Variants in ADGRG1 observed in about 807,000 individuals in gnomAD.
ADGRG1 encodes the protein adhesion G protein-coupled receptor G1.
ADGRG1 carries 53 observed loss-of-function variants against 73.5 expected under a neutral mutation model. That is an observed-to-expected ratio of 0.72 (90% confidence interval 0.58 to 0.91). The LOEUF is 0.91. Ranked by LOEUF, ADGRG1 falls within the 40% of genes least tolerant of loss-of-function variation. The probability of loss-of-function intolerance (pLI) is 0.00; values close to 1 mark genes in which losing one functional copy is unlikely to be tolerated. For synonymous variants in ADGRG1, 394 were observed against 374.4 expected, an observed-to-expected ratio of 1.05 and a Z score of -0.60; for missense variants, 795 against 871.8, an observed-to-expected ratio of 0.91 and a Z score of 1.11.
At chr16:57,660,922 A>C in intron 12 of ADGRG1, 46 bp downstream of exon 12, 2 of 1,160,200 alleles carry the variant, frequency 1.7e-6, no homozygotes, top group Non-Finnish European at 2.6e-6. Flanking sequence ...GTCTCTGGGC[A>C]CAGAGGCCAG....
At chr16:57,625,347 C>T (rs1308301010), upstream of ADGRG1, among the ~76,000 whole-genome samples, 1 of 152,156 alleles carries the variant, frequency 6.6e-6, no homozygotes, top group African/African-American at 2.4e-5. Context: ...CCTTCCGGAT[C>T]TGCACCCCAT....
intron 3 of ADGRG1, among the ~76,000 whole-genome samples, chr16:57,652,492 C>T (rs1166976313): frequency 6.6e-6 from 1 of 152,160 alleles, no homozygotes; most frequent in East Asian, 1.9e-4. Flanking sequence ...GGATTCTGCC[C>T]CGCAACCTGG....
chr16:57,637,337 T>C (rs2039611025), intron 1 of ADGRG1: 4 of 985,348 alleles, frequency 4.1e-6, no homozygotes, highest in Non-Finnish European at 4.8e-6. Context: ...TTATTTTTAT[T>C]ATTACTATGA....
At chr16:57,630,801 T>C (rs1402629939) in intron 1 of ADGRG1, 2 of 318,328 alleles carry the variant, frequency 6.3e-6, no homozygotes, top group Non-Finnish European at 9.1e-6. Flanking sequence ...GGGAAGGGAC[T>C]GATGTCTGTA....
intron 1 of ADGRG1, chr16:57,636,136 C>T (rs1466133): frequency 0.22 from 212,164 of 984,942 alleles, 23,627 homozygotes; most frequent in East Asian, 0.4. Context: ...GCAATGGGAA[C>T]GGGACCCACT....
upstream of ADGRG1, chr16:57,628,473 C>A: frequency 1.0e-6 from 1 of 973,726 alleles, no homozygotes; most frequent in Non-Finnish European, 1.2e-6. Flanking sequence ...ACTGCCTCAG[C>A]GCTCTCAGCC....
rs754174494 is a variant in ADGRG1 at position 57,659,690 on chromosome 16, T to C, written c.1555+9T>C. 1 of 1,613,314 alleles carries C rather than the reference T, an allele frequency of 6.2e-7. No individual in the cohort carries two copies. Among genetic ancestry groups the C allele is most frequent in the Non-Finnish European group, 8.5e-7 (1 of 1,179,852 alleles). ...GAGCGCCATGGGCTGGGGTAAGTGG[T>C]TGGGCGGGGGGTGCCTCAGACCTGC... On this transcript the variant is annotated intron_variant, in intron 11 of 13. Transcript: ENST00000562631.
chr16:57,622,332 C>T (rs559099028), intron 2 of ADGRG1, among the ~76,000 whole-genome samples: 16 of 152,190 alleles, frequency 1.1e-4, no homozygotes, highest in African/African-American at 3.4e-4. Flanking sequence ...TGCTGGGTGG[C>T]GTCTAGGTGG....
rs1389106624 is a variant in ADGRG1, at chr16:57,621,772, G to A, written c.-154+377G>A. The A allele has an allele frequency of 4.0e-6, 3 of 745,878 alleles. No individual in the cohort carries two copies. The African/African-American group carries it at 5.7e-5, about 14-fold the overall frequency. 46.2% of individuals were successfully genotyped at this position (745,878 alleles called of 1,614,324 possible). A position where few individuals can be genotyped will look rare whatever the true frequency, so the allele number is the denominator to read the frequency against. On this transcript the variant is annotated intron_variant, in intron 2 of 4. Transcript: ENST00000561833. ...AGCAGCTGCCACTCAGACCTCACAG[G>A]CCAGGGCCAAGGGAGCTGCTGATGC...
chr16:57,625,200 C>G (rs1161993870), upstream of ADGRG1, among the ~76,000 whole-genome samples: 1 of 152,190 alleles, frequency 6.6e-6, no homozygotes, highest in Non-Finnish European at 1.5e-5. Context: ...TTCTCTGGGC[C>G]TGGCGACCCC....
At position 57,661,718 on chromosome 16, in the gene ADGRG1, G is replaced by C; in HGVS notation, c.1686G>C (p.Leu562=). The C allele has an allele frequency of 6.2e-7, 1 of 1,613,906 alleles. No homozygotes were observed. The highest frequency in any genetic ancestry group is 8.5e-7 in the Non-Finnish European group (1 of 1,179,902). Residue 562 remains leucine, a synonymous_variant, in exon 13 of 14, where the codon CTG becomes CTC. Transcript: ENST00000562631. ...GCAGGTGCTGGATCCGGGACTCCCT[G>C]GTCAGCTACATCACCAACCTGGGCC... is the stretch of plus-strand genomic sequence containing the variant. The part of the protein sequence containing the change: ...YPSMCWIRDS[L]VSYITNLGLF...
rs879732099 is a variant in ADGRG1, at chr16:57,628,943, TGA to T, written c.-36+145_-36+146del. On this transcript the variant is annotated intron_variant, in intron 1 of 13. Transcript: ENST00000562631. ...GTGAGTGTGAGTGTGAGTGTGAGCG[TGA>T]GAGTGTGAGAGTGTGTGAGTGTGAG... 8,904 of 663,908 alleles carry T rather than the reference TGA, an allele frequency of 0.013. 505 individuals are homozygous for T. In the East Asian group the frequency reaches 0.15, roughly 11 times the overall value. 41.1% of individuals were successfully genotyped at this position (663,908 alleles called of 1,614,324 possible).
intron 1 of ADGRG1, chr16:57,643,449 C>T (rs1310408950): frequency 2.0e-6 from 1 of 502,748 alleles, no homozygotes; most frequent in African/African-American, 2.1e-5. Flanking sequence ...CAACTTCTCC[C>T]CTTTGTCACT....
intron 1 of ADGRG1, chr16:57,637,466 C>A (rs2039644523): frequency 1.0e-6 from 1 of 983,180 alleles, no homozygotes. Flanking sequence ...GTCTGTACCT[C>A]CCCCCAGGTC....
intron 1 of ADGRG1, among the ~76,000 whole-genome samples, chr16:57,644,511 G>A (rs1567718589): frequency 7.2e-6 from 1 of 138,748 alleles, no homozygotes; most frequent in Non-Finnish European, 1.5e-5. Flanking sequence ...CTCATGCATG[G>A]GCACACACAC....
At chr16:57,656,413 A>G in intron 8 of ADGRG1, 101 bp from the exon 9 acceptor site, 1 of 1,607,936 alleles carries the variant, frequency 6.2e-7, no homozygotes, top group Non-Finnish European at 8.5e-7. Context: ...GGCTATGAGT[A>G]GGCCGGGTGG....
chr16:57,652,275 G>A, intron 3 of ADGRG1: 2 of 380,000 alleles, frequency 5.3e-6, no homozygotes, highest in Non-Finnish European at 7.3e-6. Flanking sequence ...CTGAATGGTG[G>A]CCAGGAAGGG....
intron 13 of ADGRG1, among the ~76,000 whole-genome samples, chr16:57,662,415 G>C (rs1195056021): frequency 6.6e-6 from 1 of 152,110 alleles, no homozygotes; most frequent in African/African-American, 2.4e-5. Context: ...GGAGAGATGG[G>C]GGGGCCTCCC....
chr16:57,633,003 C>T (rs985119675), intron 1 of ADGRG1: 6 of 939,854 alleles, frequency 6.4e-6, no homozygotes, highest in Non-Finnish European at 6.3e-6. Context: ...CAGGCCCTTT[C>T]CCCTCCCGTC....
Sources: gnomAD v4.1 joint callset for allele counts (sites outside exome capture counted in the v4.1 genomes callset) on GRCh38, gnomAD v4.1.1 for gene constraint, MANE v1.5 for transcripts, NCBI Gene and HGNC (gene_info 2026-07-23, HGNC 2026-07-21) for gene names.